FBXL7: variants seen among roughly 807,000 people sequenced by gnomAD.
FBXL7 encodes the protein F-box and leucine rich repeat protein 7.
Under a neutral mutation model 38.3 loss-of-function variants are expected in FBXL7, and 12 were observed. The observed-to-expected ratio is 0.31, with a 90% CI of 0.20 to 0.51. The LOEUF (loss-of-function observed/expected upper bound fraction) is 0.51. Among genes scored for constraint, FBXL7 ranks in the 20% least tolerant of loss-of-function variants. The probability of loss-of-function intolerance (pLI) is 0.98; values close to 1 mark genes in which losing one functional copy is unlikely to be tolerated. For missense variants in FBXL7, 567 were observed against 676.4 expected, an observed-to-expected ratio of 0.84 and a Z score of 1.79; for synonymous variants, 297 against 300.9, an observed-to-expected ratio of 0.99 and a Z score of 0.13.
chr5:15,895,945 T>A (rs1440239581), intron 2 of FBXL7, among the ~76,000 whole-genome samples: 1 of 151,702 alleles, frequency 6.6e-6, no homozygotes, highest in Non-Finnish European at 1.5e-5. Context: ...GCCCGGCCCC[T>A]TTTTCATACT....
At chr5:15,589,879 G>A (rs1441585469) in intron 1 of FBXL7, among the ~76,000 whole-genome samples, 2 of 152,108 alleles carry the variant, frequency 1.3e-5, no homozygotes, top group African/African-American at 4.8e-5. Context: ...GAACACTATG[G>A]GTCCACATGC....
intron 1 of FBXL7, among the ~76,000 whole-genome samples, chr5:15,597,969 G>C (rs532002899): frequency 2.0e-4 from 30 of 152,284 alleles, no homozygotes; most frequent in African/African-American, 6.5e-4. Flanking sequence ...TTTGCTTAAT[G>C]TATCTCCTTT....
chr5:15,840,871 A>C (rs1738729105), intron 2 of FBXL7, among the ~76,000 whole-genome samples: 2 of 148,572 alleles, frequency 1.3e-5, no homozygotes, highest in South Asian at 2.2e-4. Flanking sequence ...AAAAAAAGTT[A>C]TAGATTGTTA....
intron 2 of FBXL7, among the ~76,000 whole-genome samples, chr5:15,650,703 G>T (rs1410490755): frequency 6.6e-6 from 1 of 152,192 alleles, no homozygotes; most frequent in Admixed American, 6.5e-5. Flanking sequence ...TTTCAACAAC[G>T]TCCACAGACT....
chr5:15,585,055 T>C (rs1739262943), intron 1 of FBXL7, among the ~76,000 whole-genome samples: 2 of 152,236 alleles, frequency 1.3e-5, no homozygotes, highest in Admixed American at 1.3e-4. Context: ...TGATTTATAA[T>C]TTATAATTAA....
intron 2 of FBXL7, among the ~76,000 whole-genome samples, chr5:15,636,616 G>T (rs1262223743): frequency 6.7e-6 from 1 of 150,306 alleles, no homozygotes; most frequent in Non-Finnish European, 1.5e-5. Context: ...CTGTGAGCCT[G>T]TTCTTTTACC....
intron 2 of FBXL7, among the ~76,000 whole-genome samples, chr5:15,685,560 A>G (rs1579377055): frequency 6.6e-6 from 1 of 152,148 alleles, no homozygotes; most frequent in Non-Finnish European, 1.5e-5. Flanking sequence ...TATTCCATCT[A>G]TTTCTACAAT....
intron 2 of FBXL7, among the ~76,000 whole-genome samples, chr5:15,669,443 A>G (rs550105544): frequency 3.3e-5 from 5 of 152,164 alleles, no homozygotes; most frequent in Non-Finnish European, 7.3e-5. Context: ...GAGCGTGGCC[A>G]ATGATTGATC....
chr5:15,549,476 G>A (rs1738003281), intron 1 of FBXL7, among the ~76,000 whole-genome samples: 1 of 152,042 alleles, frequency 6.6e-6, no homozygotes. Flanking sequence ...TTCTTTGTAA[G>A]GCCAGGGAGC....
intron 2 of FBXL7, among the ~76,000 whole-genome samples, chr5:15,837,168 G>T (rs1309637769): frequency 1.3e-5 from 2 of 152,184 alleles, no homozygotes; most frequent in Non-Finnish European, 2.9e-5. Flanking sequence ...ACACTCAAAT[G>T]TGAAAAGCCA....
chr5:15,801,725 T>A (rs1232275250), intron 2 of FBXL7, among the ~76,000 whole-genome samples: 1 of 151,888 alleles, frequency 6.6e-6, no homozygotes, highest in East Asian at 1.9e-4. Flanking sequence ...AGGTTGGCCC[T>A]CTTACCTTTG....
intron 2 of FBXL7, among the ~76,000 whole-genome samples, chr5:15,904,992 G>C (rs1189776330): frequency 6.6e-6 from 1 of 152,110 alleles, no homozygotes; most frequent in Non-Finnish European, 1.5e-5. Flanking sequence ...CGCTTAAACA[G>C]GAACTAAAAG....
chr5:15,565,670 G>A (rs774882881), intron 1 of FBXL7, among the ~76,000 whole-genome samples: 10 of 151,940 alleles, frequency 6.6e-5, no homozygotes, highest in Non-Finnish European at 2.9e-5. Flanking sequence ...CCTGAAACCC[G>A]GGAGAGCTGG....
At chr5:15,692,820 G>GA in intron 2 of FBXL7, among the ~76,000 whole-genome samples, 1 of 152,188 alleles carries the variant, frequency 6.6e-6, no homozygotes, top group East Asian at 1.9e-4. Context: ...AAGTGAGGCT[G>GA]AAAACAGATG....
chr5:15,814,325 A>G (rs393806), intron 2 of FBXL7, among the ~76,000 whole-genome samples: 86,165 of 151,866 alleles, frequency 0.57, 25,012 homozygotes, highest in Non-Finnish European at 0.64. Flanking sequence ...ACTGACACAG[A>G]AACAGAAAAC....
At chr5:15,561,614 C>T (rs972845504) in intron 1 of FBXL7, among the ~76,000 whole-genome samples, 17 of 152,016 alleles carry the variant, frequency 1.1e-4, no homozygotes, top group African/African-American at 3.9e-4. Flanking sequence ...AGTCCTATTT[C>T]TAATTTCTTT....
At position 15,885,714 on chromosome 5, in the gene FBXL7, A is replaced by AT. The variant is rs200178872; in HGVS notation, c.128-42167dup. 3.2e-4 allele frequency among the ~76,000 whole-genome samples: 49 copies of AT among 151,310 alleles called. 1 individual carries two copies. In the South Asian group the frequency reaches 8.6e-3, roughly 26 times the overall value. ...AAATATCCATATTATTGTTAGTCAC[A>AT]TTTTTTTTTATTTTTTTGAGACAGG... On this transcript the variant is annotated intron_variant, in intron 2 of 3. Coordinates refer to ENST00000504595, the MANE Select transcript of FBXL7 (RefSeq NM_012304.5).
At chr5:15,676,997 A>G (rs1742677742) in intron 2 of FBXL7, among the ~76,000 whole-genome samples, 2 of 152,228 alleles carry the variant, frequency 1.3e-5, no homozygotes, top group South Asian at 4.1e-4. Flanking sequence ...AGCACTTTCT[A>G]ATGCAGACAT....
chr5:15,649,197 A>C (rs1326289919), intron 2 of FBXL7, among the ~76,000 whole-genome samples: 1 of 152,052 alleles, frequency 6.6e-6, no homozygotes, highest in African/African-American at 2.4e-5. Context: ...GGGTTTCACC[A>C]CGTTGGCCAG....
Sources: allele counts gnomAD v4.1 joint callset (sites outside exome capture counted in the v4.1 genomes callset), GRCh38; gene constraint gnomAD v4.1.1; transcripts MANE v1.5; gene names NCBI Gene and HGNC (gene_info 2026-07-23, HGNC 2026-07-21).